Variants in IRGQ observed in about 807,000 individuals in gnomAD.
The protein encoded by IRGQ is immunity related GTPase Q.
In IRGQ, 5 loss-of-function variants were observed where a neutral mutation model predicts 10.5. The observed-to-expected ratio is 0.48, with a 90% CI of 0.25 to 1.00. The LOEUF is 1.00. IRGQ is among the 50% of genes least tolerant of loss of function. The pLI is 0.16. For synonymous variants in IRGQ, 418 were observed against 426.0 expected, an observed-to-expected ratio of 0.98 and a Z score of 0.23; for missense variants, 792 against 877.7, an observed-to-expected ratio of 0.90 and a Z score of 1.23.
Position 43,591,436 on chromosome 19 carries a change from C to A in IRGQ, c.*590G>T, listed in dbSNP as rs951663334. ...CAGCCTCCCTGGAGGACTAAACATC[C>A]AGTAACTCCAGTTTCTACTCCCTAG... is the stretch of plus-strand genomic sequence containing the variant. On this transcript the variant is annotated 3_prime_UTR_variant, in exon 3 of 3. Coordinates refer to ENST00000422989, the MANE Select transcript of IRGQ (RefSeq NM_001007561.3). 1 of 152,304 alleles carries A rather than the reference C, an allele frequency of 6.6e-6. No homozygotes were observed. Among genetic ancestry groups the A allele is most frequent in the Admixed American group, 6.6e-5 (1 of 15,262 alleles). 9.4% of individuals were successfully genotyped at this position (152,304 alleles called of 1,614,324 possible).
In IRGQ at chr19:43,592,867, C is replaced by T. The variant is rs1376608281; in HGVS notation, c.1031G>A (p.Gly344Asp). 1.2e-6 allele frequency: 2 copies of T among 1,613,908 alleles called. No homozygotes were observed. The highest frequency in any genetic ancestry group is 1.7e-6 in the Non-Finnish European group (2 of 1,180,038). ...CTCGCCCTTGGGATTCTCCATCTTGCCTTCTCCCAGACACTCCGGATCCTC... is the reference window on the plus strand; with the variant it reads ...CTCGCCCTTGGGATTCTCCATCTTGTCTTCTCCCAGACACTCCGGATCCTC... ...EGEDPECLGE[G>D]KMENPKGESL... is the part of the protein sequence containing the mutation. The change falls in exon 3 of 3, where the codon GGC (glycine) becomes GAC (aspartate). Residue 344 changes from glycine (G) to aspartate (D), a missense_variant. By Grantham distance (94) the Gly-to-Asp change is moderately conservative (BLOSUM62 -1). Coordinates refer to ENST00000422989, the MANE Select transcript of IRGQ (RefSeq NM_001007561.3).
chr19:43,591,913 A>G lies in IRGQ; in HGVS notation c.*113T>C. The stretch of plus-strand genomic sequence containing the variant: ...CCCAGACTCTCTGAATCCAGGTGAT[A>G]AGAAGTCACACATCCCAGCTGGAAG... On this transcript the variant is annotated 3_prime_UTR_variant, in exon 3 of 3. Transcript: ENST00000422989. 1 of 1,027,152 alleles carries G rather than the reference A, an allele frequency of 9.7e-7. No individual in the cohort carries two copies. Among genetic ancestry groups the G allele is most frequent in the Non-Finnish European group, 1.4e-6 (1 of 711,484 alleles). 63.6% of individuals were successfully genotyped at this position (1,027,152 alleles called of 1,614,324 possible).
At position 43,593,172 on chromosome 19, in the gene IRGQ, C is replaced by A; in HGVS notation, c.726G>T (p.Leu242=). The change falls in exon 3 of 3, where the codon CTG becomes CTT. Residue 242 remains leucine (L), a synonymous_variant. Transcript: ENST00000422989. This position sits in a 1 kb window ranked among gnomAD's most constrained non-coding sequence, Gnocchi z 6.4. ...CTGGGTCGCCAGGATCCAATCCAAG[C>A]AGCATGTCCACCACAAGGCCCACGT... is the stretch of plus-strand genomic sequence containing the variant. ...KADVGLVVDM[L]LGLDPGDPGA... 6.4e-7 allele frequency: 1 copy of A among 1,562,218 alleles called. No homozygotes were observed. The highest frequency in any genetic ancestry group is 8.7e-7 in the Non-Finnish European group (1 of 1,151,496).
rs1972974812 is a variant in IRGQ at position 43,584,814 on chromosome 19, CCAG to C, written c.*7209_*7211del. The C allele has an allele frequency of 6.6e-6, 1 of 152,162 alleles. No individual in the cohort carries two copies. Among genetic ancestry groups the C allele is most frequent in the Admixed American group, 6.6e-5 (1 of 15,254 alleles). 9.4% of individuals were successfully genotyped at this position (152,162 alleles called of 1,614,324 possible). ...CATGTGTCTCTTTTCCCTTTATTACCCAGCAGGTTAGCCCAGATCTTTTCCTTT... is the reference window on the plus strand; with the variant it reads ...CATGTGTCTCTTTTCCCTTTATTACCCAGGTTAGCCCAGATCTTTTCCTTT... On this transcript the variant is annotated 3_prime_UTR_variant, in exon 3 of 3. Coordinates refer to ENST00000422989, the MANE Select transcript of IRGQ (RefSeq NM_001007561.3).
In IRGQ at chr19:43,588,600, T is replaced by C. The variant is rs1973021030; in HGVS notation, c.*3426A>G. ...CAGGCATGGTGGCATATGCCTGTAA[T>C]CCCAGCTACTCAGGAGGCTGAGGCA... On this transcript the variant is annotated 3_prime_UTR_variant, in exon 3 of 3. Transcript: ENST00000422989. 6.6e-6 allele frequency: 1 copy of C among 151,646 alleles called. No individual in the cohort carries two copies. Among genetic ancestry groups the C allele is most frequent in the Non-Finnish European group, 1.5e-5 (1 of 67,988 alleles). 9.4% of individuals were successfully genotyped at this position (151,646 alleles called of 1,614,324 possible).
intron 1 of IRGQ, among the ~76,000 whole-genome samples, 186 bp downstream of exon 1, chr19:43,595,796 T>C (rs776787118): frequency 1.3e-5 from 2 of 152,166 alleles, no homozygotes; most frequent in Non-Finnish European, 2.9e-5. Flanking sequence ...GAGGATCGCT[T>C]GAGCCCAGGA....
chr19:43,593,102 C>A lies in IRGQ; in HGVS notation c.796G>T (p.Ala266Ser). The stretch of plus-strand genomic sequence containing the variant: ...AGCACCACATTCGGGCGCTCTGGGG[C>A]TGGGAAGGGAGTGGGTGCTGTGGGG... ...SVPTAPTPFPAPERPNVVLWT... is the reference protein window; with the variant it reads ...SVPTAPTPFPSPERPNVVLWT... Residue 266 changes from alanine (A) to serine (S), a missense_variant, in exon 3 of 3, where the codon GCC becomes TCC. Coordinates refer to ENST00000422989, the MANE Select transcript of IRGQ (RefSeq NM_001007561.3). The surrounding 1 kb of genome is among the most constrained non-coding windows in gnomAD (Gnocchi z 6.4). The A allele has an allele frequency of 6.3e-7, 1 of 1,583,398 alleles. No individual in the cohort carries two copies.
In IRGQ at chr19:43,595,288, G is replaced by A. The variant is rs758496835; in HGVS notation, c.51C>T (p.Gly17=). ...DVTALFLGPP[G]LGKSALIAAL... ...CTGCGATCAGCGCGGACTTCCCCAA[G>A]CCCGGAGGCCCCAGGAACAAGGCGG... The change falls in exon 2 of 3, where the codon GGC becomes GGT. Residue 17 remains glycine, a synonymous_variant. Transcript: ENST00000422989. 4 of 1,595,142 alleles carry A rather than the reference G, an allele frequency of 2.5e-6. No homozygotes were observed. The African/African-American group carries it at 5.4e-5, about 21-fold the overall frequency.
rs1973006299 is a variant in IRGQ at position 43,587,430 on chromosome 19, T to C, written c.*4596A>G. On this transcript the variant is annotated 3_prime_UTR_variant, in exon 3 of 3. Transcript: ENST00000422989. Reference sequence around the variant, plus strand: ...CCCATCTCAGTTTTTGGAAAACTATTATATAATTGGAACAACTTGGATATG... The same window carrying C: ...CCCATCTCAGTTTTTGGAAAACTATCATATAATTGGAACAACTTGGATATG... 6.6e-6 allele frequency: 1 copy of C among 152,214 alleles called. No homozygotes were observed. Among genetic ancestry groups the C allele is most frequent in the Admixed American group, 6.5e-5 (1 of 15,276 alleles). 9.4% of individuals were successfully genotyped at this position (152,214 alleles called of 1,614,324 possible).
rs564627935 is a variant in IRGQ at position 43,593,377 on chromosome 19, C to A, written c.531-10G>T. The A allele has an allele frequency of 1.3e-6, 2 of 1,503,686 alleles. No individual in the cohort carries two copies. Among genetic ancestry groups the A allele is most frequent in the Admixed American group, 4.5e-5 (2 of 44,286 alleles). The allele number at this position is 1,503,686 out of a possible 1,614,324, so 93.1% of individuals were successfully genotyped here. On this transcript the variant is annotated splice_polypyrimidine_tract_variant and intron_variant, in intron 2 of 2. Transcript: ENST00000422989. The surrounding 1 kb of genome is among the most constrained non-coding windows in gnomAD (Gnocchi z 6.4). ...CGCCGGTGGCAGGAGCCTGTGGGGA[C>A]AAGAAGGGACAGGGTCAAAGGTAGA...
rs757466765 is a variant in IRGQ at position 43,592,237 on chromosome 19, G to A, written c.1661C>T (p.Ala554Val). 19 of 1,582,028 alleles carry A rather than the reference G, an allele frequency of 1.2e-5. No individual in the cohort carries two copies. In the Admixed American group the frequency reaches 3.3e-4, roughly 28 times the overall value. ...RAHFPGPVTR[A>V]EVEARLGAWA... is the part of the protein sequence containing the mutation. ...GGCGCCCAGTCTTGCTTCCACCTCG[G>A]CGCGCGTCACCGGGCCTGGGAAATG... is the stretch of plus-strand genomic sequence containing the variant. Residue 554 changes from alanine (A) to valine (V), a missense_variant, in exon 3 of 3, where the codon GCC (alanine) becomes GTC (valine). Coordinates refer to ENST00000422989, the MANE Select transcript of IRGQ (RefSeq NM_001007561.3).
intron 2 of IRGQ, 112 bp downstream of exon 2, chr19:43,594,697 G>T (rs1973107544): frequency 2.5e-6 from 2 of 803,924 alleles, no homozygotes; most frequent in Non-Finnish European, 3.9e-6. Context: ...AATAATAATA[G>T]AGCTAAGCCT....
chr19:43,590,983 C>A lies in IRGQ; in HGVS notation c.*1043G>T, dbSNP rs891816637. ...GAGCCCACCATGCCCAGACCTCTTA[C>A]CCACCTCACCTCATTTTTGTGGGAC... On this transcript the variant is annotated 3_prime_UTR_variant, in exon 3 of 3. Coordinates refer to ENST00000422989, the MANE Select transcript of IRGQ (RefSeq NM_001007561.3). 6.6e-6 allele frequency: 1 copy of A among 152,312 alleles called. No homozygotes were observed. Among genetic ancestry groups the A allele is most frequent in the African/African-American group, 2.4e-5 (1 of 41,422 alleles). 9.4% of individuals were successfully genotyped at this position (152,312 alleles called of 1,614,324 possible).
rs1486585485 is a variant in IRGQ at position 43,587,960 on chromosome 19, A to T, written c.*4066T>A. 6.6e-6 allele frequency: 1 copy of T among 152,100 alleles called. No individual in the cohort carries two copies. Among genetic ancestry groups the T allele is most frequent in the Non-Finnish European group, 1.5e-5 (1 of 68,006 alleles). 9.4% of individuals were successfully genotyped at this position (152,100 alleles called of 1,614,324 possible). Reference sequence around the variant, plus strand: ...CATGTTGAAATGCTATTTTGGATACATTGGGTTAAGTAAAACATGTTAAAA... The same window carrying T: ...CATGTTGAAATGCTATTTTGGATACTTTGGGTTAAGTAAAACATGTTAAAA... On this transcript the variant is annotated 3_prime_UTR_variant, in exon 3 of 3. Transcript: ENST00000422989.
chr19:43,587,396 A>G lies in IRGQ; in HGVS notation c.*4630T>C, dbSNP rs1050094124. The G allele has an allele frequency of 1.3e-5, 2 of 152,198 alleles. No individual in the cohort carries two copies. The highest frequency in any genetic ancestry group is 2.9e-5 in the Non-Finnish European group (2 of 68,038). 9.4% of individuals were successfully genotyped at this position (152,198 alleles called of 1,614,324 possible). ...AGACCTGCATCTTTACTTAAAAAAA[A>G]AATGGACACCCATCTCAGTTTTTGG... On this transcript the variant is annotated 3_prime_UTR_variant, in exon 3 of 3. Coordinates refer to ENST00000422989, the MANE Select transcript of IRGQ (RefSeq NM_001007561.3).
Position 43,587,849 on chromosome 19 carries a change from T to C in IRGQ, c.*4177A>G, listed in dbSNP as rs1015515463. The C allele has an allele frequency of 2.0e-5, 3 of 150,442 alleles. No homozygotes were observed. The highest frequency in any genetic ancestry group is 4.9e-5 in the African/African-American group (2 of 40,784). 9.3% of individuals were successfully genotyped at this position (150,442 alleles called of 1,614,324 possible). On this transcript the variant is annotated 3_prime_UTR_variant, in exon 3 of 3. Coordinates refer to ENST00000422989, the MANE Select transcript of IRGQ (RefSeq NM_001007561.3). ...TGAACCTGGAAGGTGGAGGTTGCAG[T>C]GAGCCGAGATTGTGCCACTGCACTC...
chr19:43,594,674 A>G, intron 2 of IRGQ, 135 bp downstream of exon 2: 2 of 609,264 alleles, frequency 3.3e-6, no homozygotes, highest in Non-Finnish European at 5.1e-6. Context: ...TCTCTCAGGA[A>G]AAAAAAAAAA....
At chr19:43,595,557 T>G (rs1973125687) in intron 1 of IRGQ, 3 of 409,626 alleles carry the variant, frequency 7.3e-6, no homozygotes, top group South Asian at 8.7e-5. Flanking sequence ...TGGAAACGTT[T>G]CCCTTTCTGC....
chr19:43,593,385 G>A lies in IRGQ; in HGVS notation c.531-18C>T. ...GCAGGAGCCTGTGGGGACAAGAAGG[G>A]ACAGGGTCAAAGGTAGAAGAGGGGC... is the stretch of plus-strand genomic sequence containing the variant. On this transcript the variant is annotated intron_variant, in intron 2 of 2. Transcript: ENST00000422989. The surrounding 1 kb of genome is among the most constrained non-coding windows in gnomAD (Gnocchi z 6.4). The A allele has an allele frequency of 6.7e-7, 1 of 1,502,122 alleles. No homozygotes were observed. The highest frequency in any genetic ancestry group is 1.4e-5 in the South Asian group (1 of 72,908). The allele number at this position is 1,502,122 out of a possible 1,614,324, so 93.0% of individuals were successfully genotyped here.
Sources: allele counts gnomAD v4.1 joint callset (sites outside exome capture counted in the v4.1 genomes callset), GRCh38; gene constraint gnomAD v4.1.1; non-coding constraint Gnocchi (gnomAD v3.1); transcripts MANE v1.5; gene names NCBI Gene and HGNC (gene_info 2026-07-23, HGNC 2026-07-21).